Variants in ADGRA3 observed in about 807,000 individuals in gnomAD.
ADGRA3 encodes G-protein coupled receptor 125.
ADGRA3 carries 56 observed loss-of-function variants against 119.8 expected under a neutral mutation model. The observed-to-expected ratio is 0.47, with a 90% CI of 0.38 to 0.58. ADGRA3 has a LOEUF of 0.58. Ranked by LOEUF, ADGRA3 falls within the 20% of genes least tolerant of loss-of-function variation. The probability of loss-of-function intolerance (pLI) is 0.00; values close to 1 mark genes in which losing one functional copy is unlikely to be tolerated. For missense variants in ADGRA3, 1,516 were observed against 1,649.0 expected (o/e 0.92, Z 1.40); for synonymous variants, 607 against 623.8 (o/e 0.97, Z 0.40).
intron 11 of ADGRA3, among the ~76,000 whole-genome samples, chr4:22,422,872 G>A (rs535135286): frequency 1.3e-5 from 2 of 152,258 alleles, no homozygotes; most frequent in East Asian, 1.9e-4. Flanking sequence ...ATGAATCTGA[G>A]AGGGAAACTC....
intron 1 of ADGRA3, among the ~76,000 whole-genome samples, chr4:22,509,883 G>A (rs921729903): frequency 1.3e-5 from 2 of 151,510 alleles, no homozygotes; most frequent in African/African-American, 2.4e-5. Flanking sequence ...GGTAGCGGGC[G>A]CCTGTAGTCC....
intron 1 of ADGRA3, among the ~76,000 whole-genome samples, chr4:22,480,868 C>A (rs1381728429): frequency 6.6e-6 from 1 of 152,142 alleles, no homozygotes; most frequent in Admixed American, 6.5e-5. Context: ...AAGATCAAGG[C>A]ATATATTTAC....
chr4:22,464,617 C>T (rs980670576), intron 2 of ADGRA3, among the ~76,000 whole-genome samples: 4 of 152,216 alleles, frequency 2.6e-5, no homozygotes, highest in African/African-American at 9.6e-5. Flanking sequence ...TGGCAGCGCT[C>T]ACGCCTGCAG....
At chr4:22,419,249 T>A (rs201965962) in intron 12 of ADGRA3, among the ~76,000 whole-genome samples, 1 of 147,514 alleles carries the variant, frequency 6.8e-6, no homozygotes. Flanking sequence ...TTCAAGGGAT[T>A]AAAAAAAAAA....
chr4:22,412,053 GAA>G (rs1162684417), intron 14 of ADGRA3, among the ~76,000 whole-genome samples: 16 of 151,920 alleles, frequency 1.1e-4, no homozygotes, highest in East Asian at 1.9e-4. Flanking sequence ...TTTAAGAAAA[GAA>G]AAATTCATGA....
At chr4:22,394,148 G>C (rs1714254835) in intron 16 of ADGRA3, 1 of 151,970 alleles carries the variant, frequency 6.6e-6, no homozygotes, top group Non-Finnish European at 1.5e-5. Flanking sequence ...GAAAAAATCT[G>C]TCATTCTAAA....
Position 22,438,306 on chromosome 4 carries a change from A to AG in ADGRA3, c.1034dup (p.Ala346CysfsTer15). 6.2e-7 allele frequency: 1 copy of AG among 1,612,486 alleles called. No homozygotes were observed. Among genetic ancestry groups the AG allele is most frequent in the South Asian group, 1.1e-5 (1 of 91,014 alleles). Reference sequence around the variant, plus strand: ...CCCTCTCTGGAGGACAGTACTGTGCAGAACTCTCTAATACCACAATATCCA... The same window carrying AG: ...CCCTCTCTGGAGGACAGTACTGTGCAGGAACTCTCTAATACCACAATATCCA... On this transcript the variant is annotated frameshift_variant, in exon 8 of 19. Transcript: ENST00000334304. LOFTEE classifies it high-confidence loss of function.
At chr4:22,481,452 A>T (rs1214842256) in intron 1 of ADGRA3, among the ~76,000 whole-genome samples, 1 of 152,214 alleles carries the variant, frequency 6.6e-6, no homozygotes, top group African/African-American at 2.4e-5. Context: ...ACAGTGTTTA[A>T]ATTTTTAAAT....
Position 22,439,942 on chromosome 4 carries a change from C to A in ADGRA3, c.921-1522G>T, listed in dbSNP as rs565124750. On this transcript the variant is annotated intron_variant, in intron 7 of 18. Transcript: ENST00000334304. ...TATCTATATTCAAATACTTTAGTAGCCATTTGAAAAAAGTAACACACATAA... is the reference window on the plus strand; with the variant it reads ...TATCTATATTCAAATACTTTAGTAGACATTTGAAAAAAGTAACACACATAA... Among the ~76,000 whole-genome samples, 4 of 152,164 alleles carry A rather than the reference C, an allele frequency of 2.6e-5. No individual in the cohort carries two copies. The South Asian group carries it at 8.3e-4, about 32-fold the overall frequency.
At chr4:22,403,786 T>C (rs1317465580) in intron 14 of ADGRA3, among the ~76,000 whole-genome samples, 1 of 152,052 alleles carries the variant, frequency 6.6e-6, no homozygotes, top group Non-Finnish European at 1.5e-5. Flanking sequence ...TAACAGCACG[T>C]CACTTATAGA....
rs1715647590 is a variant in ADGRA3, at chr4:22,420,997, A to G, written c.1698T>C (p.Ser566=). 1 of 1,614,130 alleles carries G rather than the reference A, an allele frequency of 6.2e-7. No homozygotes were observed. Among genetic ancestry groups the G allele is most frequent in the Admixed American group, 1.7e-5 (1 of 60,012 alleles). The change falls in exon 12 of 19, where the codon TCT becomes TCC. Residue 566 remains serine, a synonymous_variant. Transcript: ENST00000334304. ...CATAATCCGAAAGTCCTGTACGATC[A>G]GAGGCTGCCACTTTCTGGAACACGG... The part of the protein sequence containing the change: ...TCTVFQKVAA[S]DRTGLSDYGR...
At chr4:22,497,832 C>T (rs180888953) in intron 1 of ADGRA3, among the ~76,000 whole-genome samples, 6 of 149,054 alleles carry the variant, frequency 4.0e-5, no homozygotes, top group East Asian at 4.0e-4. Context: ...ATAATCCCAG[C>T]GCTTTGGGAG....
At chr4:22,436,364 A>G in intron 9 of ADGRA3, 76 bp downstream of exon 9, 1 of 1,196,964 alleles carries the variant, frequency 8.4e-7, no homozygotes, top group Non-Finnish European at 1.2e-6. Flanking sequence ...TTAAAAAAAA[A>G]AAAAAAACTT....
intron 14 of ADGRA3, among the ~76,000 whole-genome samples, chr4:22,409,774 C>A (rs1331332353): frequency 6.6e-6 from 1 of 152,096 alleles, no homozygotes; most frequent in Non-Finnish European, 1.5e-5. Flanking sequence ...TAGTATGCAA[C>A]CTTTGTGCAA....
chr4:22,505,598 C>G (rs989804582), intron 1 of ADGRA3, among the ~76,000 whole-genome samples: 10 of 148,938 alleles, frequency 6.7e-5, no homozygotes, highest in African/African-American at 2.5e-4. Flanking sequence ...AGTGAGCAGA[C>G]ATCGCGCCAC....
chr4:22,402,767 C>G lies in ADGRA3; in HGVS notation c.2265G>C (p.Ala755=). Residue 755 remains alanine, a synonymous_variant, in exon 15 of 19, where the codon GCG becomes GCC. Transcript: ENST00000334304. ...AAACCACAGGATGCAGGAGGCTGGC[C>G]GCCTGGGTGTATAGTTCAGATCCCG... The part of the protein sequence containing the change: ...DLTGSELYTQ[A]ASLLHPVVYT... 1.2e-6 allele frequency: 2 copies of G among 1,613,642 alleles called. No individual in the cohort carries two copies. The highest frequency in any genetic ancestry group is 1.7e-6 in the Non-Finnish European group (2 of 1,179,744).
chr4:22,427,791 A>C (rs1255459176), intron 10 of ADGRA3, among the ~76,000 whole-genome samples: 1 of 152,214 alleles, frequency 6.6e-6, no homozygotes, highest in Non-Finnish European at 1.5e-5. Context: ...CAGTGTAAGG[A>C]GCATGCATCA....
At chr4:22,390,509 T>G (rs920133429) in intron 17 of ADGRA3, among the ~76,000 whole-genome samples, 3 of 151,150 alleles carry the variant, frequency 2.0e-5, no homozygotes, top group African/African-American at 7.3e-5. Context: ...GAACTACCAC[T>G]TCTTTTCTCT....
intron 2 of ADGRA3, chr4:22,473,095 G>A (rs1258827373): frequency 6.6e-6 from 1 of 152,100 alleles, no homozygotes; most frequent in African/African-American, 2.4e-5. Context: ...TTATACTAGT[G>A]TTTTTCCCCT....
Sources: allele counts gnomAD v4.1 joint callset (sites outside exome capture counted in the v4.1 genomes callset), GRCh38; gene constraint gnomAD v4.1.1; transcripts MANE v1.5; gene names NCBI Gene and HGNC (gene_info 2026-07-23, HGNC 2026-07-21).